The following WDHD1 variants were observed in gnomAD, a reference collection of about 807,000 sequenced individuals.
The protein encoded by WDHD1 is WD repeat and HMG-box DNA-binding protein 1.
A neutral mutation model predicts 135.4 loss-of-function variants in WDHD1; 111 were observed. The observed-to-expected ratio is 0.82, with a 90% CI of 0.70 to 0.96. The LOEUF (loss-of-function observed/expected upper bound fraction) is 0.96, where lower values mean the gene tolerates loss of function less well. Among genes scored for constraint, WDHD1 ranks in the 40% least tolerant of loss-of-function variants. The pLI, the probability that WDHD1 is intolerant of heterozygous loss-of-function variation, is 0.00. For synonymous variants in WDHD1, 434 were observed against 439.0 expected, an observed-to-expected ratio of 0.99 and a Z score of 0.14; for missense variants, 1,351 against 1,336.3, an observed-to-expected ratio of 1.01 and a Z score of -0.17.
intron 11 of WDHD1, 100 bp downstream of exon 11, chr14:54,995,503 A>G: frequency 1.0e-6 from 1 of 955,284 alleles, no homozygotes; most frequent in Non-Finnish European, 1.5e-6. Flanking sequence ...AGCACCACTT[A>G]GCTACATTCT....
In WDHD1 at chr14:55,008,698, C is replaced by T. The variant is rs564949696; in HGVS notation, c.363G>A (p.Val121=). 1 of 1,611,790 alleles carries T rather than the reference C, an allele frequency of 6.2e-7. No homozygotes were observed. Among genetic ancestry groups the T allele is most frequent in the South Asian group, 1.1e-5 (1 of 90,212 alleles). Reference sequence around the variant, plus strand: ...TCTGTTGGCTGCTATCCATCACATCCACAATTTTGACTAGAAAATCACTAA... The same window carrying T: ...TCTGTTGGCTGCTATCCATCACATCTACAATTTTGACTAGAAAATCACTAA... ...AGSSDFLVKI[V]DVMDSSQQKT... Residue 121 remains valine, a synonymous_variant, in exon 5 of 26, where the codon GTG becomes GTA. Coordinates refer to ENST00000360586, the MANE Select transcript of WDHD1 (RefSeq NM_007086.4).
At position 55,020,629 on chromosome 14, in the gene WDHD1, CT is replaced by C. The variant is rs533607896; in HGVS notation, c.77+6081del. Among the ~76,000 whole-genome samples, 317 of 152,254 alleles carry C rather than the reference CT, an allele frequency of 2.1e-3. 1 individual carries two copies. The highest frequency in any genetic ancestry group is 3.9e-3 in the Non-Finnish European group (267 of 68,034). On this transcript the variant is annotated intron_variant, in intron 2 of 25. Transcript: ENST00000360586. ...TAAGGACAATTCTCACATTTATATTCTTAGCCAGAACCTCAACCCTGAACTC... is the reference window on the plus strand; with the variant it reads ...TAAGGACAATTCTCACATTTATATTCTAGCCAGAACCTCAACCCTGAACTC...
chr14:54,972,559 A>C (rs1036879894), intron 16 of WDHD1, among the ~76,000 whole-genome samples: 18 of 72,524 alleles, frequency 2.5e-4, no homozygotes, highest in African/African-American at 1.1e-3. Flanking sequence ...GTCACAAAAA[A>C]AAAAAAAAAA....
chr14:55,012,733 G>A (rs981348759), intron 3 of WDHD1, among the ~76,000 whole-genome samples: 3 of 152,080 alleles, frequency 2.0e-5, no homozygotes, highest in Non-Finnish European at 4.4e-5. Flanking sequence ...GGTAAAGAGA[G>A]GGCGAGAGGG....
chr14:54,989,832 G>T (rs1295108826), intron 12 of WDHD1, among the ~76,000 whole-genome samples: 3 of 152,080 alleles, frequency 2.0e-5, no homozygotes, highest in South Asian at 4.2e-4. Context: ...GCTAATTTCT[G>T]TATTTTTTTA....
intron 20 of WDHD1, 93 bp downstream of exon 20, chr14:54,962,645 G>C: frequency 6.5e-7 from 1 of 1,533,732 alleles, no homozygotes; most frequent in South Asian, 1.1e-5. Context: ...CTGAAAAAAA[G>C]TATGAGTATT....
At chr14:54,993,125 T>C (rs2041818432) in intron 11 of WDHD1, among the ~76,000 whole-genome samples, 1 of 152,176 alleles carries the variant, frequency 6.6e-6, no homozygotes, top group Admixed American at 6.6e-5. Context: ...GATTTTATTT[T>C]GTTTTTTTCT....
intron 7 of WDHD1, among the ~76,000 whole-genome samples, chr14:55,002,890 C>T (rs914069141): frequency 3.3e-5 from 5 of 152,100 alleles, no homozygotes; most frequent in Admixed American, 6.6e-5. Context: ...CCATGCCTGA[C>T]CTTCAATACT....
chr14:54,989,467 A>T (rs2041749478), intron 12 of WDHD1, among the ~76,000 whole-genome samples: 1 of 152,160 alleles, frequency 6.6e-6, no homozygotes, highest in South Asian at 2.1e-4. Context: ...AGTATTTAAT[A>T]ATATTTAAAA....
intron 4 of WDHD1, among the ~76,000 whole-genome samples, chr14:55,010,044 C>T (rs1334152324): frequency 1.3e-5 from 2 of 152,110 alleles, no homozygotes; most frequent in Non-Finnish European, 2.9e-5. Flanking sequence ...GTCTTGAACT[C>T]CTGAGCTCAG....
intron 7 of WDHD1, 36 bp downstream of exon 7, chr14:55,007,244 A>AC: frequency 6.7e-7 from 1 of 1,495,826 alleles, no homozygotes; most frequent in Non-Finnish European, 9.0e-7. Flanking sequence ...AAAAAAAAAA[A>AC]AAAAAGAAAA....
intron 3 of WDHD1, among the ~76,000 whole-genome samples, chr14:55,011,524 C>CAAAAAAAAAAAAAAAAAA (rs60615259): frequency 2.0e-5 from 1 of 51,000 alleles, no homozygotes; most frequent in African/African-American, 8.1e-5. Context: ...AACTCTGTCT[C>CAAAAAAAAAAAAAAAAAA]AAAAAAAAAA....
At position 54,987,141 on chromosome 14, in the gene WDHD1, T is replaced by A. The variant is rs1314019338; in HGVS notation, c.1768+5A>T. ...TCAAGTCATAAAAGACTGAAAAAAA[T>A]CTACCTCTGTGATAAACAATGAAAA... On this transcript the variant is annotated splice_donor_5th_base_variant and intron_variant, in intron 14 of 25. Coordinates refer to ENST00000360586, the MANE Select transcript of WDHD1 (RefSeq NM_007086.4). The A allele has an allele frequency of 6.2e-7, 1 of 1,611,898 alleles. No individual in the cohort carries two copies. Among genetic ancestry groups the A allele is most frequent in the Admixed American group, 1.7e-5 (1 of 59,652 alleles).
intron 2 of WDHD1, among the ~76,000 whole-genome samples, chr14:55,024,136 T>C (rs748289137): frequency 2.0e-4 from 31 of 152,352 alleles, no homozygotes; most frequent in Non-Finnish European, 2.1e-4. Context: ...CACGTATAAG[T>C]AGACATACAC....
rs1442546991 is a variant in WDHD1, at chr14:54,957,099, G to A, written c.2851C>T (p.Arg951Ter). The change falls in exon 23 of 26, where the codon CGA becomes TGA. Residue 951 changes from arginine (R) to a stop codon, truncating the protein, a stop_gained. Transcript: ENST00000360586. LOFTEE classifies it high-confidence loss of function. ...GGAGACTTTTCATTATTTGTAGTTC[G>A]ACTAAGTGCAGTGGATTTCTTGGAT... The part of the protein sequence containing the change: ...KSSKKSTALS[R>*]TTNNEKSPII... The A allele has an allele frequency of 1.1e-5, 17 of 1,613,962 alleles. No individual in the cohort carries two copies. Among genetic ancestry groups the A allele is most frequent in the East Asian group, 2.2e-5 (1 of 44,882 alleles).
In WDHD1 at chr14:54,989,109, G is replaced by T; in HGVS notation, c.1445C>A (p.Ser482Ter). 3 of 1,613,860 alleles carry T rather than the reference G, an allele frequency of 1.9e-6. No individual in the cohort carries two copies. The highest frequency in any genetic ancestry group is 2.5e-6 in the Non-Finnish European group (3 of 1,179,878). Residue 482 changes from serine (S) to a stop codon, truncating the protein, a stop_gained, in exon 13 of 26, where the codon TCA becomes TAA. Coordinates refer to ENST00000360586, the MANE Select transcript of WDHD1 (RefSeq NM_007086.4). LOFTEE classifies it high-confidence loss of function. ...TGCTATTGTATAATTCAAAGTGTTT[G>T]ATAAGTGTGTTGCATGGTGTATGGA... is the stretch of plus-strand genomic sequence containing the variant. ...DTSIHHATHLSNTLNYTIADL... is the reference protein window; with the variant it reads ...DTSIHHATHL
At chr14:55,012,931 G>A (rs573622882) in intron 3 of WDHD1, among the ~76,000 whole-genome samples, 1 of 152,226 alleles carries the variant, frequency 6.6e-6, no homozygotes, top group East Asian at 1.9e-4. Context: ...AATCATAGCA[G>A]TGAGCTAAAA....
At chr14:54,975,408 C>T (rs1449488702) in intron 16 of WDHD1, among the ~76,000 whole-genome samples, 1 of 151,654 alleles carries the variant, frequency 6.6e-6, no homozygotes. Flanking sequence ...AGTACAGTGG[C>T]GCAATCTCGG....
chr14:54,964,760 G>A (rs2041315111), intron 18 of WDHD1, among the ~76,000 whole-genome samples: 1 of 152,180 alleles, frequency 6.6e-6, no homozygotes, highest in South Asian at 2.1e-4. Context: ...TTGAACTCCT[G>A]GGCTCAAGAT....
Sources: allele counts gnomAD v4.1 joint callset (sites outside exome capture counted in the v4.1 genomes callset), GRCh38; gene constraint gnomAD v4.1.1; transcripts MANE v1.5; gene names NCBI Gene and HGNC (gene_info 2026-07-23, HGNC 2026-07-21).